The following HEPHL1 variants were observed in gnomAD, a reference collection of about 807,000 sequenced individuals.
HEPHL1 encodes hephaestin like 1.
In HEPHL1, 123 loss-of-function variants were observed where a neutral mutation model predicts 122.0. The observed-to-expected ratio is 1.01, with a 90% confidence interval of 0.87 to 1.17. The LOEUF is 1.17. Ranked by LOEUF, HEPHL1 falls within the 50% of genes most tolerant of loss-of-function variation. HEPHL1 has a pLI of 0.00. For synonymous variants in HEPHL1, 527 were observed against 508.9 expected, an observed-to-expected ratio of 1.04 and a Z score of -0.48; for missense variants, 1,452 against 1,430.5, an observed-to-expected ratio of 1.01 and a Z score of -0.24.
chr11:94,055,234 G>T, intron 2 of HEPHL1: 1 of 269,658 alleles, frequency 3.7e-6, no homozygotes. Flanking sequence ...CTGCTGCTCA[G>T]ATTTTCCACC....
chr11:94,046,698 ATGTT>A (rs1197413694), intron 2 of HEPHL1, among the ~76,000 whole-genome samples: 2 of 151,678 alleles, frequency 1.3e-5, no homozygotes, highest in Non-Finnish European at 2.9e-5. Context: ...TCTTGTGTGT[ATGTT>A]AGGAGTTTCA....
chr11:94,030,264 A>G (rs1180641211), intron 1 of HEPHL1, among the ~76,000 whole-genome samples: 2 of 152,218 alleles, frequency 1.3e-5, no homozygotes, highest in African/African-American at 4.8e-5. Flanking sequence ...GAGGCTTATT[A>G]GCAAGCTTGG....
chr11:94,034,772 C>A (rs111408797), intron 1 of HEPHL1, among the ~76,000 whole-genome samples: 1,568 of 152,242 alleles, frequency 0.01, 27 homozygotes, highest in African/African-American at 0.035. Context: ...CAGCTGAATC[C>A]GATACCAAGG....
chr11:94,045,935 A>G lies in HEPHL1; in HGVS notation c.415+18A>G, dbSNP rs1400658812. ...TTCAGAAGGTAAATATCAATCCTTT[A>G]TTACTGGGGTCTTGTCTCTATTTCA... On this transcript the variant is annotated intron_variant, in intron 2 of 19. Transcript: ENST00000315765. 11 of 1,610,656 alleles carry G rather than the reference A, an allele frequency of 6.8e-6. No homozygotes were observed. The highest frequency in any genetic ancestry group is 2.2e-5 in the South Asian group (2 of 90,814).
At chr11:94,085,899 G>A in intron 10 of HEPHL1, 78 bp from the exon 11 acceptor site, 1 of 1,009,156 alleles carries the variant, frequency 9.9e-7, no homozygotes, top group Non-Finnish European at 1.5e-6. Context: ...AGGATCTTTT[G>A]TAAACAGTTT....
intron 1 of HEPHL1, among the ~76,000 whole-genome samples, chr11:94,035,733 C>CTTTTA (rs796214924): frequency 1.8e-4 from 28 of 152,072 alleles, no homozygotes; most frequent in African/African-American, 5.8e-4. Context: ...ATGAAAGTCT[C>CTTTTA]TTTTATTTTA....
intron 9 of HEPHL1, among the ~76,000 whole-genome samples, chr11:94,077,981 C>T (rs1435885471): frequency 6.6e-6 from 1 of 152,194 alleles, no homozygotes; most frequent in Non-Finnish European, 1.5e-5. Context: ...TCACTTACCA[C>T]CATAAGACAG....
rs756655736 is a variant in HEPHL1 at position 94,036,069 on chromosome 11, ACTTTC to A, written c.171-9599_171-9595del. On this transcript the variant is annotated intron_variant, in intron 1 of 19. Coordinates refer to ENST00000315765, the MANE Select transcript of HEPHL1 (RefSeq NM_001098672.2). ...TCTTTTAAATTTAATTTTATTTATT[ACTTTC>A]CTTTTATACCACCACTGAAATGCCT... Among the ~76,000 whole-genome samples the A allele has an allele frequency of 1.0e-3, 158 of 152,230 alleles. 1 individual carries two copies. Among genetic ancestry groups the A allele is most frequent in the Non-Finnish European group, 1.7e-3 (117 of 68,026 alleles).
rs1945830916 is a variant in HEPHL1, at chr11:94,045,869, C to A, written c.367C>A (p.Pro123Thr). The A allele has an allele frequency of 1.9e-6, 3 of 1,613,780 alleles. No individual in the cohort carries two copies. ...VIHLKNFASR[P>T]YSLHPHGVFY... is the part of the protein sequence containing the mutation. ...TCATTTAAAGAACTTTGCTTCTCGA[C>A]CTTACTCTCTGCATCCACATGGCGT... Residue 123 changes from proline to threonine, a missense_variant, in exon 2 of 20, where the codon CCT becomes ACT. By Grantham distance (38) the Pro-to-Thr change is conservative. Coordinates refer to ENST00000315765, the MANE Select transcript of HEPHL1 (RefSeq NM_001098672.2).
chr11:94,048,141 A>G (rs1435899152), intron 2 of HEPHL1, among the ~76,000 whole-genome samples: 1 of 152,148 alleles, frequency 6.6e-6, no homozygotes, highest in Non-Finnish European at 1.5e-5. Context: ...ATGCTTATGT[A>G]TATTTTAGTA....
chr11:94,034,215 C>T (rs958203826), intron 1 of HEPHL1, among the ~76,000 whole-genome samples: 1 of 152,186 alleles, frequency 6.6e-6, no homozygotes, highest in Non-Finnish European at 1.5e-5. Context: ...CTCAGATGTC[C>T]TTTCCTCCAT....
chr11:94,037,617 C>T (rs1023132005), intron 1 of HEPHL1, among the ~76,000 whole-genome samples: 2 of 152,144 alleles, frequency 1.3e-5, no homozygotes, highest in African/African-American at 2.4e-5. Context: ...CATACTGACA[C>T]CTCACACAGC....
At chr11:94,078,598 G>T (rs1369116012) in intron 9 of HEPHL1, among the ~76,000 whole-genome samples, 8 of 151,756 alleles carry the variant, frequency 5.3e-5, no homozygotes, top group African/African-American at 2.4e-5. Context: ...AGAGCCAATG[G>T]GGTGGCTCCA....
chr11:94,042,875 T>TAATAAAAAAA (rs1945796292), intron 1 of HEPHL1, among the ~76,000 whole-genome samples: 1 of 63,168 alleles, frequency 1.6e-5, no homozygotes, highest in African/African-American at 6.7e-5. Context: ...TAAAGTATAA[T>TAATAAAAAAA]AAAAAAAAAA....
At chr11:94,033,765 C>T (rs1462773176) in intron 1 of HEPHL1, among the ~76,000 whole-genome samples, 1 of 152,124 alleles carries the variant, frequency 6.6e-6, no homozygotes, top group Non-Finnish European at 1.5e-5. Context: ...CCATTAAACA[C>T]CAACTCTTCC....
chr11:94,033,091 C>T (rs972683479), intron 1 of HEPHL1, among the ~76,000 whole-genome samples: 2 of 152,166 alleles, frequency 1.3e-5, no homozygotes, highest in Non-Finnish European at 2.9e-5. Context: ...GGTCAAACTG[C>T]GCACTTGTTT....
In HEPHL1 at chr11:94,037,314, G is replaced by GA. The variant is rs1422233720; in HGVS notation, c.171-8359_171-8358insA. On this transcript the variant is annotated intron_variant, in intron 1 of 19. Coordinates refer to ENST00000315765, the MANE Select transcript of HEPHL1 (RefSeq NM_001098672.2). The stretch of plus-strand genomic sequence containing the variant: ...GGGAGGGGCGCCCGCCATTGCCCAG[G>GA]CTTGCTTAGGTAAACAAAGCAGCCA... 1.4e-4 allele frequency among the ~76,000 whole-genome samples: 22 copies of GA among 152,014 alleles called. 2 individuals are homozygous for GA. The highest frequency in any genetic ancestry group is 5.3e-4 in the African/African-American group (22 of 41,280).
At chr11:94,056,917 A>G (rs1051775814) in intron 2 of HEPHL1, among the ~76,000 whole-genome samples, 3 of 151,984 alleles carry the variant, frequency 2.0e-5, no homozygotes, top group Non-Finnish European at 4.4e-5. Flanking sequence ...ATGAAGTTTG[A>G]TTGTCCTTTA....
At chr11:94,081,568 T>A (rs1222215895) in intron 9 of HEPHL1, among the ~76,000 whole-genome samples, 2 of 152,200 alleles carry the variant, frequency 1.3e-5, no homozygotes, top group African/African-American at 4.8e-5. Context: ...TAGGAATACA[T>A]GCTGTGGGAA....
Sources: allele counts gnomAD v4.1 joint callset (sites outside exome capture counted in the v4.1 genomes callset), GRCh38; gene constraint gnomAD v4.1.1; transcripts MANE v1.5; gene names NCBI Gene and HGNC (gene_info 2026-07-23, HGNC 2026-07-21).